The following CORIN variants were observed in gnomAD, a reference collection of about 807,000 sequenced individuals.
The protein encoded by CORIN is corin, serine peptidase, also known as atrial natriuretic peptide-converting enzyme.
Under a neutral mutation model 125.3 loss-of-function variants are expected in CORIN, and 117 were observed. That is an observed-to-expected ratio of 0.93 (90% CI 0.80 to 1.09). The LOEUF (loss-of-function observed/expected upper bound fraction) is 1.09. CORIN is among the 50% of genes least tolerant of loss of function. The pLI is 0.00. For synonymous variants in CORIN, 450 were observed against 466.4 expected (o/e 0.96, Z 0.45); for missense variants, 1,253 against 1,306.7 (o/e 0.96, Z 0.63).
At position 47,680,215 on chromosome 4, in the gene CORIN, C is replaced by T; in HGVS notation, c.1058G>A (p.Gly353Glu). 6.2e-7 allele frequency: 1 copy of T among 1,614,028 alleles called. No homozygotes were observed. The highest frequency in any genetic ancestry group is 8.5e-7 in the Non-Finnish European group (1 of 1,179,932). ...CACCCACTCCATGGCGATGCAGCGCCCGTCCCCGCAGCGATGCTCTGTTGT... is the reference window on the plus strand; with the variant it reads ...CACCCACTCCATGGCGATGCAGCGCTCGTCCCCGCAGCGATGCTCTGTTGT... ...NPTTEHRCGD[G>E]RCIAMEWVCD... The change falls in exon 8 of 22, where the codon GGG (glycine) becomes GAG (glutamate). Residue 353 changes from glycine to glutamate, a missense_variant. Transcript: ENST00000273857.
chr4:47,715,540 G>A (rs1361237278), intron 5 of CORIN, among the ~76,000 whole-genome samples: 1 of 152,102 alleles, frequency 6.6e-6, no homozygotes, highest in African/African-American at 2.4e-5. Flanking sequence ...AGGAGACGGA[G>A]GTGAGCTGAG....
chr4:47,708,900 G>A (rs539468746), intron 5 of CORIN, among the ~76,000 whole-genome samples: 4 of 152,314 alleles, frequency 2.6e-5, no homozygotes, highest in African/African-American at 7.2e-5. Context: ...TCAAAAGACT[G>A]GGGAATAATA....
chr4:47,677,458 A>G lies in CORIN; in HGVS notation c.1249+480T>C, dbSNP rs1214818629. 1.3e-5 allele frequency among the ~76,000 whole-genome samples: 2 copies of G among 152,194 alleles called. 1 individual carries two copies. ...ACAGAAATAGTTACATTTAAAAAAC[A>G]ATTTATTGGATCTAGTTTTTCTTTT... is the stretch of plus-strand genomic sequence containing the variant. On this transcript the variant is annotated intron_variant, in intron 9 of 21. Transcript: ENST00000273857.
chr4:47,683,999 A>G (rs1431466762), intron 6 of CORIN, among the ~76,000 whole-genome samples, 161 bp from the exon 7 acceptor site: 4 of 152,172 alleles, frequency 2.6e-5, no homozygotes, highest in African/African-American at 9.7e-5. Context: ...AGATACAACG[A>G]CCTGTTCAAG....
intron 5 of CORIN, among the ~76,000 whole-genome samples, chr4:47,728,997 T>A (rs1399573568): frequency 1.3e-5 from 2 of 152,174 alleles, no homozygotes; most frequent in African/African-American, 4.8e-5. Flanking sequence ...AGAAACTTAA[T>A]CTCAAATGAT....
intron 16 of CORIN, among the ~76,000 whole-genome samples, chr4:47,627,905 G>A (rs1722645227): frequency 6.6e-6 from 1 of 152,132 alleles, no homozygotes; most frequent in African/African-American, 2.4e-5. Context: ...AGTGTGCACT[G>A]ATGCTGGATA....
chr4:47,827,951 C>T (rs967912903), intron 1 of CORIN, among the ~76,000 whole-genome samples: 13 of 152,142 alleles, frequency 8.5e-5, no homozygotes, highest in African/African-American at 3.1e-4. Context: ...AGTAGATACC[C>T]TCAGAGAAAC....
At chr4:47,604,843 G>C (rs1324257021) in intron 19 of CORIN, among the ~76,000 whole-genome samples, 1 of 151,954 alleles carries the variant, frequency 6.6e-6, no homozygotes, top group Non-Finnish European at 1.5e-5. Flanking sequence ...CTCTATATTA[G>C]TCAGAGCAAT....
intron 5 of CORIN, among the ~76,000 whole-genome samples, chr4:47,712,863 G>T (rs1167991828): frequency 1.3e-5 from 2 of 152,218 alleles, no homozygotes; most frequent in Middle Eastern, 3.4e-3. Flanking sequence ...AAGAAACCAA[G>T]AATTCAGTAC....
At chr4:47,832,611 A>AT (rs1280362674) in intron 1 of CORIN, among the ~76,000 whole-genome samples, 2 of 151,386 alleles carry the variant, frequency 1.3e-5, no homozygotes, top group Non-Finnish European at 2.9e-5. Flanking sequence ...CGCCCTGGTA[A>AT]TTTTTTTGTA....
At position 47,665,082 on chromosome 4, in the gene CORIN, A is replaced by G; in HGVS notation, c.1539T>C (p.Ile513=). ...TATTCACATCACATTTTGGTACCAA[A>G]ATGGTGCAAGAAAAGAACATGAGGT... The part of the protein sequence containing the change: ...YKYLMFFSCT[I]LVPKCDVNTG... The change falls in exon 11 of 22, where the codon ATT becomes ATC. Residue 513 remains isoleucine (I), a synonymous_variant. Transcript: ENST00000273857. The G allele has an allele frequency of 6.2e-7, 1 of 1,613,854 alleles. No homozygotes were observed. Among genetic ancestry groups the G allele is most frequent in the African/African-American group, 1.3e-5 (1 of 75,038 alleles).
chr4:47,752,630 T>C lies in CORIN; in HGVS notation c.618-8047A>G, dbSNP rs557110841. On this transcript the variant is annotated intron_variant, in intron 4 of 21. Coordinates refer to ENST00000273857, the MANE Select transcript of CORIN (RefSeq NM_006587.4). ...TGTCATAAATGAAAAGCCTACAGAC[T>C]GAGGGTCTTGTTTGCTATGCCAATA... Among the ~76,000 whole-genome samples the C allele has an allele frequency of 4.6e-5, 7 of 152,308 alleles. No individual in the cohort carries two copies. In the East Asian group the frequency reaches 1.3e-3, roughly 29 times the overall value.
intron 10 of CORIN, among the ~76,000 whole-genome samples, chr4:47,669,145 T>A (rs1202142262): frequency 6.6e-6 from 1 of 151,904 alleles, no homozygotes; most frequent in Non-Finnish European, 1.5e-5. Flanking sequence ...TTAATAAAGA[T>A]CTGTCAAAGA....
At chr4:47,693,124 G>T (rs770566043) in intron 5 of CORIN, 41 bp from the exon 6 acceptor site, 139 of 1,284,958 alleles carry the variant, frequency 1.1e-4, no homozygotes, top group Non-Finnish European at 1.4e-4. Flanking sequence ...AATAAGATGG[G>T]TTTTTTTTCT....
intron 19 of CORIN, among the ~76,000 whole-genome samples, chr4:47,605,130 T>C (rs1002688937): frequency 1.3e-5 from 2 of 152,156 alleles, no homozygotes; most frequent in Non-Finnish European, 1.5e-5. Context: ...TCAGAGCTGT[T>C]TCCCCAGCCA....
At chr4:47,772,078 T>TAGATAGAC (rs1239147322) in intron 3 of CORIN, among the ~76,000 whole-genome samples, 1 of 142,084 alleles carries the variant, frequency 7.0e-6, no homozygotes, top group Non-Finnish European at 1.5e-5. Context: ...TCACATTACA[T>TAGATAGAC]AGATAGATAG....
intron 5 of CORIN, among the ~76,000 whole-genome samples, chr4:47,730,526 C>G (rs1356076614): frequency 1.3e-5 from 2 of 149,770 alleles, no homozygotes; most frequent in African/African-American, 4.9e-5. Flanking sequence ...TCAGGAGCCA[C>G]AGACACCCAC....
At chr4:47,612,542 G>A (rs563548372) in intron 19 of CORIN, among the ~76,000 whole-genome samples, 3 of 152,176 alleles carry the variant, frequency 2.0e-5, no homozygotes, top group South Asian at 2.1e-4. Flanking sequence ...TCCTCACACC[G>A]ACTGTGAGAT....
chr4:47,835,756 T>C (rs1245971277), intron 1 of CORIN, among the ~76,000 whole-genome samples: 1 of 152,230 alleles, frequency 6.6e-6, no homozygotes, highest in Admixed American at 6.5e-5. Flanking sequence ...GAATGCAAGA[T>C]GCGGAAGCAC....
Sources: allele counts gnomAD v4.1 joint callset (sites outside exome capture counted in the v4.1 genomes callset), GRCh38; gene constraint gnomAD v4.1.1; transcripts MANE v1.5; gene names NCBI Gene and HGNC (gene_info 2026-07-23, HGNC 2026-07-21).